Variants in AOX1 observed in about 807,000 individuals in gnomAD.
AOX1 encodes aldehyde oxidase 1, also known as aldehyde oxidase.
A neutral mutation model predicts 169.5 loss-of-function variants in AOX1; 153 were observed. The ratio of observed to expected loss-of-function variants is 0.90; its 90% confidence interval spans 0.79 to 1.03. The LOEUF is 1.03. Among genes scored for constraint, AOX1 ranks in the 50% least tolerant of loss-of-function variants. The probability of loss-of-function intolerance (pLI) is 0.00; values close to 1 mark genes in which losing one functional copy is unlikely to be tolerated. For missense variants in AOX1, 1,656 were observed against 1,663.9 expected (o/e 1.00, Z 0.08); for synonymous variants, 562 against 581.9 (o/e 0.97, Z 0.49).
chr2:200,659,852 A>AT (rs2105768289), intron 28 of AOX1, 143 bp from the exon 29 acceptor site: 1 of 631,196 alleles, frequency 1.6e-6, no homozygotes, highest in African/African-American at 1.8e-5. Flanking sequence ...GAAACCTTTC[A>AT]TATCACCTTC....
chr2:200,605,898 G>A, intron 10 of AOX1, among the ~76,000 whole-genome samples: 1 of 152,258 alleles, frequency 6.6e-6, no homozygotes, highest in East Asian at 1.9e-4. Flanking sequence ...CTTTGTCAGT[G>A]GGTAGATTGC....
Position 200,668,772 on chromosome 2 carries a change from C to G in AOX1, c.3767C>G (p.Ser1256Cys). The G allele has an allele frequency of 6.2e-7, 1 of 1,614,110 alleles. No homozygotes were observed. Among genetic ancestry groups the G allele is most frequent in the Non-Finnish European group, 8.5e-7 (1 of 1,180,018 alleles). Residue 1256 changes from serine (S) to cysteine (C), a missense_variant, in exon 33 of 35, where the codon TCT becomes TGT. Transcript: ENST00000374700. Reference protein sequence around the residue: ...TELHIALLPPSQNSNTLYSSK... With the variant: ...TELHIALLPPCQNSNTLYSSK... Reference sequence around the variant, plus strand: ...TTGCACATTGCTTTGTTGCCTCCTTCTCAAAACTCAAATACTCTTTATTCA... The same window carrying G: ...TTGCACATTGCTTTGTTGCCTCCTTGTCAAAACTCAAATACTCTTTATTCA...
At chr2:200,633,820 A>G (rs1342010269) in intron 20 of AOX1, among the ~76,000 whole-genome samples, 1 of 152,198 alleles carries the variant, frequency 6.6e-6, no homozygotes, top group Non-Finnish European at 1.5e-5. Context: ...TCTTATTTGA[A>G]TCTTCTATTT....
chr2:200,602,708 G>A (rs1460964386), intron 6 of AOX1, among the ~76,000 whole-genome samples: 1 of 152,082 alleles, frequency 6.6e-6, no homozygotes, highest in Non-Finnish European at 1.5e-5. Context: ...ACAATGTGGT[G>A]CAACTGATCA....
chr2:200,601,698 T>G (rs6435057), intron 5 of AOX1, among the ~76,000 whole-genome samples: 118,096 of 151,968 alleles, frequency 0.78, 45,986 homozygotes, highest in East Asian at 0.81. Context: ...TAGGGAGGCC[T>G]AGGTGGGTGG....
At chr2:200,627,679 C>G (rs547042018) in intron 20 of AOX1, among the ~76,000 whole-genome samples, 5 of 152,132 alleles carry the variant, frequency 3.3e-5, no homozygotes, top group African/African-American at 1.2e-4. Flanking sequence ...TCCCTGACCC[C>G]CCTTCCCTCA....
chr2:200,626,316 C>A (rs2035003719), intron 19 of AOX1, among the ~76,000 whole-genome samples: 1 of 152,202 alleles, frequency 6.6e-6, no homozygotes, highest in East Asian at 1.9e-4. Context: ...GGCAGAATCA[C>A]AATAGCCCAT....
intron 19 of AOX1, among the ~76,000 whole-genome samples, chr2:200,626,802 T>C (rs1447843099): frequency 1.3e-5 from 2 of 152,246 alleles, no homozygotes; most frequent in Non-Finnish European, 2.9e-5. Context: ...CTAGCAATTA[T>C]TGAGTGTTTA....
At chr2:200,591,439 G>T (rs1285689171) in intron 1 of AOX1, among the ~76,000 whole-genome samples, 1 of 152,220 alleles carries the variant, frequency 6.6e-6, no homozygotes, top group Non-Finnish European at 1.5e-5. Flanking sequence ...AGAGAGGAAG[G>T]ATTTTCAGGA....
chr2:200,586,283 C>T (rs4470327), intron 1 of AOX1, 130 bp downstream of exon 1: 772,155 of 993,248 alleles, frequency 0.78, 301,529 homozygotes, highest in East Asian at 0.83. Flanking sequence ...GGCTTTCTCC[C>T]GTAACAGCGG....
At chr2:200,590,581 C>T (rs1296709071) in intron 1 of AOX1, among the ~76,000 whole-genome samples, 1 of 152,144 alleles carries the variant, frequency 6.6e-6, no homozygotes, top group East Asian at 1.9e-4. Context: ...ACAACAACAA[C>T]AACAACAAAA....
downstream of AOX1, among the ~76,000 whole-genome samples, chr2:200,672,904 G>A (rs550477817): frequency 5.3e-4 from 80 of 152,334 alleles, 3 homozygotes; most frequent in South Asian, 0.014. Flanking sequence ...TGCCTGGCCC[G>A]TTTGTGGAGC....
Position 200,601,627 on chromosome 2 carries a change from C to CT in AOX1, c.437-652dup, listed in dbSNP as rs199917412. ...TAACAGCTCAGTAAAATGGATTTTA[C>CT]TTTTTAAAAAAAAAATTAGTTTGGC... On this transcript the variant is annotated intron_variant, in intron 5 of 34. Coordinates refer to ENST00000374700, the MANE Select transcript of AOX1 (RefSeq NM_001159.4). Among the ~76,000 whole-genome samples the CT allele has an allele frequency of 1.4e-3, 186 of 133,518 alleles. 1 individual carries two copies. In the South Asian group the frequency reaches 0.022, roughly 16 times the overall value. 87.6% of individuals were successfully genotyped at this position (133,518 alleles called of 152,430 possible).
intron 19 of AOX1, 54 bp from the exon 20 acceptor site, chr2:200,627,299 C>A: frequency 4.1e-6 from 5 of 1,231,044 alleles, no homozygotes; most frequent in South Asian, 3.7e-5. Context: ...GTGTCTGCTG[C>A]CCTAGGGCAG....
At chr2:200,604,171 T>C in intron 8 of AOX1, 74 bp downstream of exon 8, 1 of 1,171,648 alleles carries the variant, frequency 8.5e-7, no homozygotes, top group Non-Finnish European at 1.3e-6. Flanking sequence ...TGTTTATGGG[T>C]TCTCTCAAAA....
intron 15 of AOX1, 38 bp from the exon 16 acceptor site, chr2:200,615,933 A>C (rs764275733): frequency 3.8e-5 from 56 of 1,487,258 alleles, no homozygotes; most frequent in Non-Finnish European, 5.0e-5. Flanking sequence ...TGGTGCATTC[A>C]AACTATTTAA....
At chr2:200,630,878 A>T (rs118093488) in intron 20 of AOX1, among the ~76,000 whole-genome samples, 1 of 152,268 alleles carries the variant, frequency 6.6e-6, no homozygotes, top group East Asian at 1.9e-4. Flanking sequence ...AGCATCAGGA[A>T]GAATAGCTAA....
intron 25 of AOX1, 56 bp from the exon 26 acceptor site, chr2:200,650,918 T>G: frequency 6.6e-7 from 1 of 1,515,704 alleles, no homozygotes; most frequent in Non-Finnish European, 9.1e-7. Flanking sequence ...GGTGAATGGA[T>G]GAGCCTATGT....
chr2:200,604,642 A>G, intron 8 of AOX1, 54 bp from the exon 9 acceptor site: 1 of 1,591,658 alleles, frequency 6.3e-7, no homozygotes, highest in Non-Finnish European at 8.6e-7. Flanking sequence ...TTGAGTGGAA[A>G]CAGGTGGAGA....
Sources: allele counts gnomAD v4.1 joint callset (sites outside exome capture counted in the v4.1 genomes callset), GRCh38; gene constraint gnomAD v4.1.1; transcripts MANE v1.5; gene names NCBI Gene and HGNC (gene_info 2026-07-23, HGNC 2026-07-21).